The following FSTL5 variants were observed in gnomAD, a reference collection of about 807,000 sequenced individuals.
FSTL5 encodes the protein follistatin like 5.
FSTL5 carries 62 observed loss-of-function variants against 89.1 expected under a neutral mutation model. That is an observed-to-expected ratio of 0.70 (90% CI 0.57 to 0.86). The LOEUF is 0.86. Among genes scored for constraint, FSTL5 ranks in the 40% least tolerant of loss-of-function variants. The probability of loss-of-function intolerance (pLI) is 0.00; values close to 1 mark genes in which losing one functional copy is unlikely to be tolerated. For synonymous variants in FSTL5, 383 were observed against 346.2 expected, an observed-to-expected ratio of 1.11 and a Z score of -1.18; for missense variants, 1,057 against 1,001.6, an observed-to-expected ratio of 1.06 and a Z score of -0.75.
At chr4:162,118,480 C>G (rs970914550) in intron 1 of FSTL5, among the ~76,000 whole-genome samples, 7 of 152,124 alleles carry the variant, frequency 4.6e-5, no homozygotes, top group African/African-American at 1.7e-4. Flanking sequence ...CCAGGATGGT[C>G]TCGATCTCCT....
At chr4:162,083,652 A>T (rs1032936765) in intron 2 of FSTL5, among the ~76,000 whole-genome samples, 1 of 151,808 alleles carries the variant, frequency 6.6e-6, no homozygotes, top group Admixed American at 6.6e-5. Flanking sequence ...GCTGGTTACT[A>T]AATCTAGGGA....
intron 7 of FSTL5, among the ~76,000 whole-genome samples, chr4:161,590,793 T>C (rs917744263): frequency 3.3e-5 from 5 of 152,276 alleles, no homozygotes; most frequent in African/African-American, 1.2e-4. Flanking sequence ...ACATTGCTAG[T>C]GAGAAGATTA....
intron 1 of FSTL5, among the ~76,000 whole-genome samples, chr4:162,150,619 T>C (rs1176021871): frequency 6.6e-6 from 1 of 152,116 alleles, no homozygotes; most frequent in African/African-American, 2.4e-5. Context: ...AATAAGCAAA[T>C]GTAAATAAAA....
intron 13 of FSTL5, among the ~76,000 whole-genome samples, chr4:161,479,621 G>T (rs547427401): frequency 6.6e-6 from 1 of 152,072 alleles, no homozygotes; most frequent in Non-Finnish European, 1.5e-5. Context: ...GGAAACAAAA[G>T]AAGTGAAATA....
intron 4 of FSTL5, among the ~76,000 whole-genome samples, chr4:161,781,590 T>C (rs1741669461): frequency 6.6e-6 from 1 of 152,130 alleles, no homozygotes; most frequent in Non-Finnish European, 1.5e-5. Flanking sequence ...AAGACTTTGG[T>C]TTTTAGTGTT....
chr4:162,017,197 G>C (rs959778846), intron 3 of FSTL5, among the ~76,000 whole-genome samples: 3 of 152,100 alleles, frequency 2.0e-5, no homozygotes, highest in Admixed American at 6.6e-5. Context: ...TCGGACCTGT[G>C]GTGTGCAGAC....
chr4:161,897,733 A>T (rs77690830), intron 4 of FSTL5, among the ~76,000 whole-genome samples: 7,171 of 152,200 alleles, frequency 0.047, 213 homozygotes, highest in Non-Finnish European at 0.07. Context: ...ATTAGTAACT[A>T]AAGTCTGTAG....
At chr4:161,403,982 C>T (rs1403483598) in intron 15 of FSTL5, among the ~76,000 whole-genome samples, 1 of 152,188 alleles carries the variant, frequency 6.6e-6, no homozygotes, top group Admixed American at 6.5e-5. Flanking sequence ...CTTGCTTCAT[C>T]CCTCTTCCTG....
intron 3 of FSTL5, among the ~76,000 whole-genome samples, chr4:161,959,125 C>G (rs1735103868): frequency 6.6e-6 from 1 of 152,018 alleles, no homozygotes; most frequent in Non-Finnish European, 1.5e-5. Flanking sequence ...TTTTAAGTAC[C>G]TTATCCTGAC....
chr4:161,781,999 A>AT (rs1490086889), intron 4 of FSTL5, among the ~76,000 whole-genome samples: 3 of 152,138 alleles, frequency 2.0e-5, no homozygotes, highest in East Asian at 1.9e-4. Flanking sequence ...CAGCATGTAG[A>AT]TTTTTTTCAA....
chr4:161,543,193 A>G (rs1170576247), intron 8 of FSTL5, among the ~76,000 whole-genome samples: 1 of 152,082 alleles, frequency 6.6e-6, no homozygotes, highest in Non-Finnish European at 1.5e-5. Flanking sequence ...GTATCAAAAA[A>G]TAAAATATTT....
At chr4:161,864,471 G>T (rs919593322) in intron 4 of FSTL5, among the ~76,000 whole-genome samples, 1 of 152,256 alleles carries the variant, frequency 6.6e-6, no homozygotes, top group African/African-American at 2.4e-5. Flanking sequence ...TTCTAGGGCT[G>T]GGAAAATAGA....
At chr4:161,688,768 T>C (rs1217161570) in intron 6 of FSTL5, among the ~76,000 whole-genome samples, 1 of 152,192 alleles carries the variant, frequency 6.6e-6, no homozygotes, top group African/African-American at 2.4e-5. Context: ...TCTTTCATTA[T>C]GTTTTCTAAT....
chr4:161,535,096 T>C (rs1731550778), intron 10 of FSTL5, among the ~76,000 whole-genome samples: 1 of 152,146 alleles, frequency 6.6e-6, no homozygotes, highest in Non-Finnish European at 1.5e-5. Context: ...GATTTCAGTG[T>C]AAGACCTTAA....
chr4:161,802,744 T>C lies in FSTL5; in HGVS notation c.410-26670A>G, dbSNP rs1205473181. On this transcript the variant is annotated intron_variant, in intron 4 of 15. Transcript: ENST00000306100. Reference sequence around the variant, plus strand: ...CTATTGAACAGAGGAGCTCCATTTATATGTGGATAACAAGATTGAAAAAAA... The same window carrying C: ...CTATTGAACAGAGGAGCTCCATTTACATGTGGATAACAAGATTGAAAAAAA... Among the ~76,000 whole-genome samples, 3 of 151,758 alleles carry C rather than the reference T, an allele frequency of 2.0e-5. No individual in the cohort carries two copies. In the Admixed American group the frequency reaches 2.0e-4, roughly 10 times the overall value.
At chr4:161,920,715 C>T in intron 3 of FSTL5, 63 bp from the exon 4 acceptor site, 1 of 1,468,646 alleles carries the variant, frequency 6.8e-7, no homozygotes, top group South Asian at 1.3e-5. Context: ...ATATATATTT[C>T]AGAGTATCAA....
At chr4:161,949,248 G>A (rs1414441557) in intron 3 of FSTL5, among the ~76,000 whole-genome samples, 2 of 151,826 alleles carry the variant, frequency 1.3e-5, no homozygotes, top group Non-Finnish European at 2.9e-5. Flanking sequence ...TAATTACATC[G>A]GGCCCACTTG....
intron 6 of FSTL5, among the ~76,000 whole-genome samples, chr4:161,741,978 T>C (rs926108050): frequency 6.6e-6 from 1 of 152,056 alleles, no homozygotes; most frequent in Non-Finnish European, 1.5e-5. Flanking sequence ...GAAGGAAGAA[T>C]GTGTCTTATG....
intron 7 of FSTL5, among the ~76,000 whole-genome samples, chr4:161,647,732 G>A (rs1736200470): frequency 6.6e-6 from 1 of 152,134 alleles, no homozygotes; most frequent in Admixed American, 6.5e-5. Flanking sequence ...GGGAAGGGAA[G>A]CGCTGGGTAG....
Sources: allele counts gnomAD v4.1 joint callset (sites outside exome capture counted in the v4.1 genomes callset), GRCh38; gene constraint gnomAD v4.1.1; transcripts MANE v1.5; gene names NCBI Gene and HGNC (gene_info 2026-07-23, HGNC 2026-07-21).